DPYD: variants seen among roughly 807,000 people sequenced by gnomAD.
DPYD encodes dihydropyrimidine dehydrogenase.
DPYD carries 109 observed loss-of-function variants against 116.2 expected under a neutral mutation model. The observed-to-expected ratio is 0.94, with a 90% CI of 0.80 to 1.10. DPYD has a LOEUF of 1.10. DPYD is among the 50% of genes least tolerant of loss of function. DPYD has a pLI of 0.00. For synonymous variants in DPYD, 440 were observed against 432.0 expected (o/e 1.02, Z -0.23); for missense variants, 1,302 against 1,254.5 (o/e 1.04, Z -0.57).
chr1:97,705,079 T>C (rs1661845320), intron 5 of DPYD, among the ~76,000 whole-genome samples: 1 of 151,872 alleles, frequency 6.6e-6, no homozygotes, highest in African/African-American at 2.4e-5. Context: ...TGTGGTCAGG[T>C]TCACATACAA....
At chr1:97,584,788 G>A (rs535525327) in intron 10 of DPYD, among the ~76,000 whole-genome samples, 1,511 of 130,418 alleles carry the variant, frequency 0.012, 33 homozygotes, top group African/African-American at 0.04. Flanking sequence ...ATCACACACC[G>A]GGGACTGTTG....
Position 97,244,265 on chromosome 1 carries a change from G to T in DPYD, c.2300-9271C>A, listed in dbSNP as rs551965360. Among the ~76,000 whole-genome samples the T allele has an allele frequency of 1.1e-4, 17 of 152,068 alleles. No individual in the cohort carries two copies. The South Asian group carries it at 3.5e-3, about 32-fold the overall frequency. ...TCTGTAGAAATAATTGCCATGAAAT[G>T]CCCTGAACCTACTTTTTATAAACTA... On this transcript the variant is annotated intron_variant, in intron 18 of 22. Transcript: ENST00000370192.
intron 8 of DPYD, among the ~76,000 whole-genome samples, chr1:97,613,370 C>T (rs1295672214): frequency 6.6e-6 from 1 of 151,870 alleles, no homozygotes; most frequent in Non-Finnish European, 1.5e-5. Flanking sequence ...AATCATAACT[C>T]TCTGAAAATG....
At chr1:97,080,594 A>G (rs1405597403) in intron 22 of DPYD, among the ~76,000 whole-genome samples, 2 of 152,166 alleles carry the variant, frequency 1.3e-5, no homozygotes, top group African/African-American at 4.8e-5. Flanking sequence ...AATTGGTGCT[A>G]TGTTTTGTAA....
intron 8 of DPYD, among the ~76,000 whole-genome samples, chr1:97,602,620 GATTTT>G (rs1655327863): frequency 6.6e-6 from 1 of 151,782 alleles, no homozygotes; most frequent in Non-Finnish European, 1.5e-5. Flanking sequence ...AAAATACATA[GATTTT>G]ATTTTGTTTA....
chr1:97,631,886 T>C (rs1339475153), intron 8 of DPYD, among the ~76,000 whole-genome samples: 2 of 152,000 alleles, frequency 1.3e-5, no homozygotes, highest in African/African-American at 4.8e-5. Flanking sequence ...ATGACACAGT[T>C]ATAGTTTTTA....
At chr1:97,641,174 T>C (rs574854153) in intron 8 of DPYD, among the ~76,000 whole-genome samples, 6 of 152,242 alleles carry the variant, frequency 3.9e-5, no homozygotes, top group Admixed American at 2.0e-4. Context: ...GTTGATTAGA[T>C]GGGGGATGAA....
intron 11 of DPYD, among the ~76,000 whole-genome samples, chr1:97,563,281 C>G (rs1374298308): frequency 6.6e-6 from 1 of 152,118 alleles, no homozygotes; most frequent in African/African-American, 2.4e-5. Flanking sequence ...TAACCTTTTA[C>G]TATACTATAA....
At chr1:97,377,433 A>C (rs1671697606) in intron 15 of DPYD, among the ~76,000 whole-genome samples, 3 of 152,156 alleles carry the variant, frequency 2.0e-5, no homozygotes, top group Non-Finnish European at 4.4e-5. Context: ...CTATCCATCC[A>C]AATAGACCTC....
At chr1:97,383,497 GA>G (rs1672109583) in intron 14 of DPYD, among the ~76,000 whole-genome samples, 1 of 148,006 alleles carries the variant, frequency 6.8e-6, no homozygotes, top group Non-Finnish European at 1.5e-5. Context: ...AAGAAAAAAA[GA>G]AAAAAAGAAA....
At chr1:97,742,878 C>T (rs1423802450) in intron 3 of DPYD, among the ~76,000 whole-genome samples, 2 of 152,030 alleles carry the variant, frequency 1.3e-5, no homozygotes, top group Non-Finnish European at 1.5e-5. Context: ...CAAAAGTAAG[C>T]GCACACACAC....
At chr1:97,778,133 G>A (rs1461893907) in intron 3 of DPYD, among the ~76,000 whole-genome samples, 1 of 137,964 alleles carries the variant, frequency 7.2e-6, no homozygotes, top group East Asian at 2.2e-4. Context: ...ACTCCAATCT[G>A]GGCAACAGAG....
At chr1:97,760,936 C>A (rs1427125630) in intron 3 of DPYD, among the ~76,000 whole-genome samples, 2 of 152,086 alleles carry the variant, frequency 1.3e-5, no homozygotes, top group African/African-American at 2.4e-5. Flanking sequence ...TAGAACAACA[C>A]TGAAAGTCGT....
chr1:97,204,491 C>T (rs1659458857), intron 19 of DPYD, among the ~76,000 whole-genome samples: 1 of 152,118 alleles, frequency 6.6e-6, no homozygotes, highest in Non-Finnish European at 1.5e-5. Context: ...GTGACTCTGA[C>T]AACCTGAAGA....
intron 20 of DPYD, among the ~76,000 whole-genome samples, chr1:97,119,062 C>A (rs187757967): frequency 3.3e-5 from 5 of 151,964 alleles, no homozygotes; most frequent in African/African-American, 1.2e-4. Flanking sequence ...GAATTTTGAA[C>A]AACAAGCATT....
intron 11 of DPYD, among the ~76,000 whole-genome samples, chr1:97,553,564 T>C (rs1315834483): frequency 1.3e-5 from 2 of 152,070 alleles, no homozygotes; most frequent in African/African-American, 4.8e-5. Flanking sequence ...AGTGAAAGCA[T>C]AAGTGAATGA....
intron 11 of DPYD, among the ~76,000 whole-genome samples, chr1:97,572,540 A>G (rs1420419099): frequency 6.6e-6 from 1 of 151,976 alleles, no homozygotes; most frequent in Non-Finnish European, 1.5e-5. Context: ...CATTTTACTC[A>G]ATTTTTGGTG....
chr1:97,558,069 G>T (rs1287406125), intron 11 of DPYD, among the ~76,000 whole-genome samples: 3 of 152,130 alleles, frequency 2.0e-5, no homozygotes, highest in Non-Finnish European at 4.4e-5. Context: ...GGGATCATGG[G>T]AATAACTAAA....
intron 4 of DPYD, among the ~76,000 whole-genome samples, chr1:97,727,617 A>G (rs1663342628): frequency 6.6e-6 from 1 of 151,826 alleles, no homozygotes; most frequent in South Asian, 2.1e-4. Context: ...AAGAAGCATG[A>G]TTTTGAAAAT....
Sources: allele counts gnomAD v4.1 joint callset (sites outside exome capture counted in the v4.1 genomes callset), GRCh38; gene constraint gnomAD v4.1.1; transcripts MANE v1.5; gene names NCBI Gene and HGNC (gene_info 2026-07-23, HGNC 2026-07-21).